Variants in SLC22A23 observed in about 807,000 individuals in gnomAD.
SLC22A23 encodes solute carrier family 22 member 23.
In SLC22A23, 26 loss-of-function variants were observed where a neutral mutation model predicts 61.0. That is an observed-to-expected ratio of 0.43 (90% confidence interval 0.31 to 0.59). The LOEUF is 0.59. SLC22A23 is among the 20% of genes least tolerant of loss of function. The pLI is 0.11. For missense variants in SLC22A23, 796 were observed against 934.7 expected (o/e 0.85, Z 1.94); for synonymous variants, 430 against 413.9 (o/e 1.04, Z -0.47).
intron 4 of SLC22A23, 150 bp downstream of exon 4, chr6:3,323,684 A>T (rs1763099422): frequency 2.2e-6 from 2 of 916,512 alleles, no homozygotes; most frequent in Admixed American, 5.9e-5. Flanking sequence ...AAACAATAAA[A>T]TTTTTTAAAA....
intron 4 of SLC22A23, among the ~76,000 whole-genome samples, chr6:3,306,269 C>T (rs1353387582): frequency 6.6e-6 from 1 of 152,178 alleles, no homozygotes; most frequent in African/African-American, 2.4e-5. Flanking sequence ...ACCCAAACAC[C>T]TCCCACCAGG....
chr6:3,319,889 T>C (rs1762850822), intron 4 of SLC22A23, among the ~76,000 whole-genome samples: 1 of 152,220 alleles, frequency 6.6e-6, no homozygotes, highest in South Asian at 2.1e-4. Flanking sequence ...CAGTCCTGCG[T>C]GGTGCAGACT....
At chr6:3,293,071 G>A (rs1760754579) in intron 5 of SLC22A23, among the ~76,000 whole-genome samples, 1 of 152,244 alleles carries the variant, frequency 6.6e-6, no homozygotes, top group Non-Finnish European at 1.5e-5. Flanking sequence ...ACCAGGCTCA[G>A]GAGGAGCAGG....
chr6:3,438,180 A>G (rs549307459), intron 1 of SLC22A23, among the ~76,000 whole-genome samples: 23 of 152,256 alleles, frequency 1.5e-4, no homozygotes, highest in African/African-American at 5.3e-4. Flanking sequence ...AACACTCCAA[A>G]AGGAAGACAA....
At chr6:3,319,681 G>C (rs1762839205) in intron 4 of SLC22A23, among the ~76,000 whole-genome samples, 1 of 152,154 alleles carries the variant, frequency 6.6e-6, no homozygotes, top group Admixed American at 6.5e-5. Flanking sequence ...CCAGTCTGTA[G>C]GTTTGGGCCC....
At chr6:3,361,313 T>A (rs1425292306) in intron 3 of SLC22A23, among the ~76,000 whole-genome samples, 13 of 121,032 alleles carry the variant, frequency 1.1e-4, no homozygotes, top group Admixed American at 3.2e-4. Flanking sequence ...TTTTTTTTTT[T>A]AAGGAATTGG....
chr6:3,439,231 G>A (rs530643621), intron 1 of SLC22A23: 1 of 400,892 alleles, frequency 2.5e-6, no homozygotes, highest in African/African-American at 2.1e-5. Flanking sequence ...TGCCCCCAAA[G>A]GTGTGACAAC....
intron 9 of SLC22A23, among the ~76,000 whole-genome samples, chr6:3,275,554 A>T (rs1363168313): frequency 6.6e-6 from 1 of 152,254 alleles, no homozygotes; most frequent in African/African-American, 2.4e-5. Flanking sequence ...ATATTCGTGA[A>T]GCATATATCA....
rs1460232537 is a variant in SLC22A23 at position 3,386,854 on chromosome 6, CA to C, written c.913+23333del. Among the ~76,000 whole-genome samples the C allele has an allele frequency of 1.3e-5, 2 of 152,200 alleles. No individual in the cohort carries two copies. The highest frequency in any genetic ancestry group is 2.9e-5 in the Non-Finnish European group (2 of 68,028). ...AACATGGGGAACAAGGACTTGCTTC[CA>C]CAGGGCCGGCACCCCAGGGCGGGGC... On this transcript the variant is annotated intron_variant, in intron 3 of 9. Transcript: ENST00000406686. This position sits in a 1 kb window ranked among gnomAD's most constrained non-coding sequence, Gnocchi z 4.4.
chr6:3,415,262 C>T (rs761438629), intron 2 of SLC22A23, among the ~76,000 whole-genome samples: 2 of 152,184 alleles, frequency 1.3e-5, no homozygotes, highest in African/African-American at 2.4e-5. Context: ...CTACAGACCC[C>T]ACAGAGGCAT....
chr6:3,343,031 C>T (rs996233441), intron 3 of SLC22A23, among the ~76,000 whole-genome samples: 1 of 152,202 alleles, frequency 6.6e-6, no homozygotes, highest in African/African-American at 2.4e-5. Context: ...TATGCAATTT[C>T]TCATCCTGCA....
At position 3,304,492 on chromosome 6, in the gene SLC22A23, G is replaced by A. The variant is rs571731854; in HGVS notation, c.1083-6274C>T. Among the ~76,000 whole-genome samples the A allele has an allele frequency of 9.0e-4, 137 of 151,962 alleles. No homozygotes were observed. Among genetic ancestry groups the A allele is most frequent in the African/African-American group, 2.7e-3 (112 of 41,510 alleles). On this transcript the variant is annotated intron_variant, in intron 4 of 9. Coordinates refer to ENST00000406686, the MANE Select transcript of SLC22A23 (RefSeq NM_015482.2). The surrounding 1 kb of genome is among the most constrained non-coding windows in gnomAD (Gnocchi z 4.3). ...AAGAAGTGGGTATGGGCCTCTTTGGGAGCCCAAGCTTTCGATGGGTCTCCA... is the reference window on the plus strand; with the variant it reads ...AAGAAGTGGGTATGGGCCTCTTTGGAAGCCCAAGCTTTCGATGGGTCTCCA...
intron 3 of SLC22A23, among the ~76,000 whole-genome samples, chr6:3,375,423 A>T (rs1431889578): frequency 6.6e-6 from 1 of 152,230 alleles, no homozygotes; most frequent in East Asian, 1.9e-4. Context: ...TTTTCAATAT[A>T]TTCAGCACAG....
chr6:3,406,137 T>G (rs1285389009), intron 3 of SLC22A23, among the ~76,000 whole-genome samples: 1 of 152,034 alleles, frequency 6.6e-6, no homozygotes, highest in Non-Finnish European at 1.5e-5. Flanking sequence ...GTGTAGCTGG[T>G]GGGGGGCAGT....
intron 1 of SLC22A23, among the ~76,000 whole-genome samples, chr6:3,434,308 G>GTAAATAAA (rs112412183): frequency 8.0e-5 from 12 of 149,930 alleles, no homozygotes; most frequent in East Asian, 2.0e-4. Context: ...GCGAAACTCT[G>GTAAATAAA]TAAATAAATA....
intron 3 of SLC22A23, among the ~76,000 whole-genome samples, chr6:3,395,359 C>T (rs1273103195): frequency 7.9e-5 from 12 of 152,154 alleles, no homozygotes; most frequent in Admixed American, 7.9e-4. Context: ...ATGCGTACGG[C>T]AAACCCTACT....
intron 1 of SLC22A23, among the ~76,000 whole-genome samples, chr6:3,416,732 G>C (rs1050054953): frequency 1.3e-5 from 2 of 152,224 alleles, no homozygotes; most frequent in African/African-American, 4.8e-5. Context: ...CGGGGGTCTA[G>C]ATGCCCCTGC....
At chr6:3,411,909 A>G (rs1769281289) in intron 2 of SLC22A23, among the ~76,000 whole-genome samples, 1 of 152,230 alleles carries the variant, frequency 6.6e-6, no homozygotes, top group Admixed American at 6.5e-5. Flanking sequence ...TCCAAATCTA[A>G]CTCATTGACA....
chr6:3,303,037 A>C (rs1761727511), intron 4 of SLC22A23: 1 of 152,350 alleles, frequency 6.6e-6, no homozygotes, highest in Non-Finnish European at 1.5e-5. Context: ...CCTGATTTTT[A>C]AAATGGACAA....
Sources: gnomAD v4.1 joint callset for allele counts (sites outside exome capture counted in the v4.1 genomes callset) on GRCh38, gnomAD v4.1.1 for gene constraint, Gnocchi (gnomAD v3.1) non-coding constraint, MANE v1.5 for transcripts, NCBI Gene and HGNC (gene_info 2026-07-23, HGNC 2026-07-21) for gene names.